Variants in FBXO10 observed in about 807,000 individuals in gnomAD.
FBXO10 encodes F-box protein 10, also known as F-box only protein 10.
FBXO10 carries 39 observed loss-of-function variants against 80.7 expected under a neutral mutation model. The ratio of observed to expected loss-of-function variants is 0.48; its 90% confidence interval spans 0.37 to 0.63. The LOEUF (loss-of-function observed/expected upper bound fraction) is 0.63. Ranked by LOEUF, FBXO10 falls within the 30% of genes least tolerant of loss-of-function variation. The pLI, the probability that FBXO10 is intolerant of heterozygous loss-of-function variation, is 0.00. For synonymous variants in FBXO10, 449 were observed against 489.6 expected (o/e 0.92, Z 1.09); for missense variants, 1,025 against 1,269.0 (o/e 0.81, Z 2.92).
intron 1 of FBXO10, among the ~76,000 whole-genome samples, chr9:37,572,077 GC>G (rs1822774065): frequency 6.6e-6 from 1 of 151,816 alleles, no homozygotes; most frequent in African/African-American, 2.4e-5. Context: ...CCATGATCAC[GC>G]CACTGCAATC....
chr9:37,535,718 G>C (rs1272558088), intron 3 of FBXO10, among the ~76,000 whole-genome samples: 1 of 152,096 alleles, frequency 6.6e-6, no homozygotes, highest in African/African-American at 2.4e-5. Flanking sequence ...TTACCCTCCT[G>C]GGATGTTCTA....
chr9:37,568,669 C>T (rs76835730), intron 1 of FBXO10, among the ~76,000 whole-genome samples: 2,564 of 152,178 alleles, frequency 0.017, 27 homozygotes, highest in South Asian at 0.049. Context: ...AAACGGAGTT[C>T]ATGTGGTCTA....
chr9:37,563,237 CTG>C (rs771903969), intron 1 of FBXO10, among the ~76,000 whole-genome samples: 1 of 152,216 alleles, frequency 6.6e-6, no homozygotes, highest in Non-Finnish European at 1.5e-5. Context: ...CCATGCAGAA[CTG>C]TGAGTCAATT....
Position 37,512,707 on chromosome 9 carries a change from C to A in FBXO10, c.2711G>T (p.Arg904Leu), listed in dbSNP as rs200694576. 1 of 1,613,474 alleles carries A rather than the reference C, an allele frequency of 6.2e-7. No individual in the cohort carries two copies. Among genetic ancestry groups the A allele is most frequent in the Non-Finnish European group, 8.5e-7 (1 of 1,179,636 alleles). ...GGGCCGTGCTGGTGGGTTCACCAGG[C>A]GCCACGTATCAGACCTGGAGGTGCA... The part of the protein sequence containing the change: ...LVFKKKSDTW[R>L]LVNPPARPHL... Residue 904 changes from arginine to leucine, a missense_variant, in exon 11 of 11, where the codon CGC becomes CTC. By Grantham distance (102) the Arg-to-Leu change is moderately radical. Around this residue, in one of 3 missense-constraint regions of FBXO10, gnomAD observed 97 missense variants for 101.8 expected, o/e 0.95. Coordinates refer to ENST00000432825, the MANE Select transcript of FBXO10 (RefSeq NM_012166.3).
chr9:37,521,352 G>C (rs964047907), intron 8 of FBXO10, among the ~76,000 whole-genome samples: 1 of 150,462 alleles, frequency 6.6e-6, no homozygotes, highest in Admixed American at 6.6e-5. Flanking sequence ...CACACTGTCT[G>C]GGAAGTGAGG....
intron 5 of FBXO10, among the ~76,000 whole-genome samples, chr9:37,527,370 T>C (rs1821503982): frequency 6.6e-6 from 1 of 152,192 alleles, no homozygotes; most frequent in Non-Finnish European, 1.5e-5. Context: ...CTATCATGCT[T>C]GGCATTCAAG....
At chr9:37,552,691 C>CAAA (rs779389401) in intron 1 of FBXO10, among the ~76,000 whole-genome samples, 7 of 95,276 alleles carry the variant, frequency 7.3e-5, no homozygotes, top group African/African-American at 7.8e-5. Flanking sequence ...GACTCCATAT[C>CAAA]AAAAAAAAAA....
At position 37,537,301 on chromosome 9, in the gene FBXO10, G is replaced by A. The variant is rs753484121; in HGVS notation, c.1228C>T (p.Leu410=). 3.7e-6 allele frequency: 6 copies of A among 1,612,834 alleles called. No homozygotes were observed. The highest frequency in any genetic ancestry group is 1.7e-5 in the Admixed American group (1 of 59,744). ...QLPSCLVLNS[L]QQELQKDKEA... ...TTATCCTTCTGCAGCTCCTGCTGCA[G>A]TGAGTTCAGCACTAGGCAGCTGGGC... Residue 410 remains leucine, a synonymous_variant, in exon 3 of 11, where the codon CTG becomes TTG. Coordinates refer to ENST00000432825, the MANE Select transcript of FBXO10 (RefSeq NM_012166.3).
chr9:37,537,470 G>A lies in FBXO10; in HGVS notation c.1059C>T (p.Ser353=), dbSNP rs370929362. The A allele has an allele frequency of 4.4e-6, 7 of 1,607,082 alleles. No homozygotes were observed. The highest frequency in any genetic ancestry group is 5.9e-6 in the Non-Finnish European group (7 of 1,176,910). Residue 353 remains serine, a synonymous_variant, in exon 3 of 11, where the codon AGC becomes AGT. Coordinates refer to ENST00000432825, the MANE Select transcript of FBXO10 (RefSeq NM_012166.3). ...CGCTGGGACTCAGGCCTCCATCGCT[G>A]CTGTCCGGGGTCTGGGCCACCCTTT... ...DGERVAQTPD[S]SDGGLSPSGE...
intron 1 of FBXO10, among the ~76,000 whole-genome samples, chr9:37,566,905 T>C (rs1157210775): frequency 6.6e-6 from 1 of 152,226 alleles, no homozygotes; most frequent in Non-Finnish European, 1.5e-5. Flanking sequence ...GAAAGCTGTG[T>C]TCTGATGGTG....
At position 37,566,102 on chromosome 9, in the gene FBXO10, C is replaced by T. The variant is rs182268421; in HGVS notation, c.-7+10109G>A. Among the ~76,000 whole-genome samples, 33 of 152,252 alleles carry T rather than the reference C, an allele frequency of 2.2e-4. 1 individual carries two copies. Among genetic ancestry groups the T allele is most frequent in the Admixed American group, 3.9e-4 (6 of 15,282 alleles). ...GAGTCCCAGCACAAAAGGCCCTATGCGTGCTGAAATGACTCTGACAAAAGG... is the reference window on the plus strand; with the variant it reads ...GAGTCCCAGCACAAAAGGCCCTATGTGTGCTGAAATGACTCTGACAAAAGG... On this transcript the variant is annotated intron_variant, in intron 1 of 10. Coordinates refer to ENST00000432825, the MANE Select transcript of FBXO10 (RefSeq NM_012166.3).
chr9:37,513,363 C>T (rs1311845187), intron 10 of FBXO10, among the ~76,000 whole-genome samples: 1 of 152,114 alleles, frequency 6.6e-6, no homozygotes, highest in Non-Finnish European at 1.5e-5. Context: ...TTCATAATCA[C>T]CAAAAACTAG....
chr9:37,556,468 C>T lies in FBXO10; in HGVS notation c.-6-14694G>A, dbSNP rs1308246513. Among the ~76,000 whole-genome samples the T allele has an allele frequency of 6.6e-5, 10 of 150,786 alleles. 1 individual carries two copies. The highest frequency in any genetic ancestry group is 2.4e-4 in the African/African-American group (10 of 41,038). On this transcript the variant is annotated intron_variant, in intron 1 of 10. Coordinates refer to ENST00000432825, the MANE Select transcript of FBXO10 (RefSeq NM_012166.3). The stretch of plus-strand genomic sequence containing the variant: ...ATTTGTTAAAAAGGTTATCCTTTCT[C>T]CATTGAACTGCTTTTGTACTTTTGT...
At chr9:37,517,722 T>C (rs1821223104) in intron 9 of FBXO10, among the ~76,000 whole-genome samples, 2 of 152,132 alleles carry the variant, frequency 1.3e-5, no homozygotes, top group Non-Finnish European at 2.9e-5. Flanking sequence ...GAAGAGTGTA[T>C]GCAAAGGCCC....
At position 37,541,442 on chromosome 9, in the gene FBXO10, G is replaced by T; in HGVS notation, c.327C>A (p.Thr109=). Residue 109 remains threonine, a synonymous_variant, in exon 2 of 11, where the codon ACC becomes ACA. Coordinates refer to ENST00000432825, the MANE Select transcript of FBXO10 (RefSeq NM_012166.3). ...SLFRRRRERR[T]LSVGPGREFD... ...ACTCACGGCCTGGCCCAACACTCAG[G>T]GTACGTCGTTCCCTCCTCCGGCGGA... 6.2e-7 allele frequency: 1 copy of T among 1,614,012 alleles called. No individual in the cohort carries two copies.
At position 37,512,319 on chromosome 9, in the gene FBXO10, A is replaced by T; in HGVS notation, c.*228T>A. On this transcript the variant is annotated 3_prime_UTR_variant, in exon 11 of 11. Transcript: ENST00000432825. ...CTCTTCACAATCTTTATAGACTTCG[A>T]GTGACTGGAAACCCACCAGCTTCTA... 2.3e-6 allele frequency: 1 copy of T among 441,454 alleles called. No individual in the cohort carries two copies. The allele number at this position is 441,454 out of a possible 1,614,324, so 27.3% of individuals were successfully genotyped here. A position where few individuals can be genotyped will look rare whatever the true frequency, so the allele number is the denominator to read the frequency against.
At chr9:37,537,065 T>C (rs1346710051) in intron 3 of FBXO10, 45 bp downstream of exon 3, 3 of 1,469,042 alleles carry the variant, frequency 2.0e-6, no homozygotes, top group South Asian at 2.6e-5. Flanking sequence ...CCTTCCTACA[T>C]ATAGCCACAG....
intron 1 of FBXO10, among the ~76,000 whole-genome samples, chr9:37,554,394 G>A (rs1395281983): frequency 6.6e-6 from 1 of 152,090 alleles, no homozygotes; most frequent in African/African-American, 2.4e-5. Flanking sequence ...TACTTGTGGT[G>A]TGCATCAATA....
intron 8 of FBXO10, among the ~76,000 whole-genome samples, chr9:37,520,000 A>T (rs185926360): frequency 1.0e-3 from 154 of 150,742 alleles, no homozygotes; most frequent in African/African-American, 2.4e-3. Flanking sequence ...TCTGAAAAAA[A>T]TTTTTTTTTT....
Sources: gnomAD v4.1 joint callset for allele counts (sites outside exome capture counted in the v4.1 genomes callset) on GRCh38, gnomAD v4.1.1 for gene constraint, gnomAD v4.1.1 regional missense constraint, MANE v1.5 for transcripts, NCBI Gene and HGNC (gene_info 2026-07-23, HGNC 2026-07-21) for gene names.